WBP1L: variants seen among roughly 807,000 people sequenced by gnomAD.
WBP1L encodes WW domain binding protein 1 like, also known as WW domain binding protein 1-like.
In WBP1L, 17 loss-of-function variants were observed where a neutral mutation model predicts 33.7. The observed-to-expected ratio is 0.50, with a 90% confidence interval of 0.34 to 0.76. The LOEUF (loss-of-function observed/expected upper bound fraction) is 0.76, where lower values mean the gene tolerates loss of function less well. Among genes scored for constraint, WBP1L ranks in the 30% least tolerant of loss-of-function variants. WBP1L has a pLI of 0.01. For missense variants in WBP1L, 389 were observed against 469.4 expected, an observed-to-expected ratio of 0.83 and a Z score of 1.58; for synonymous variants, 173 against 190.8, an observed-to-expected ratio of 0.91 and a Z score of 0.77.
At chr10:102,753,997 T>G (rs546081967) in intron 1 of WBP1L, among the ~76,000 whole-genome samples, 1 of 152,362 alleles carries the variant, frequency 6.6e-6, no homozygotes, top group East Asian at 1.9e-4. Flanking sequence ...GGTTTGCCAT[T>G]TCCTAATTTA....
chr10:102,746,009 G>A (rs535532755), intron 1 of WBP1L: 6 of 300,656 alleles, frequency 2.0e-5, no homozygotes, highest in African/African-American at 4.5e-5. Flanking sequence ...TAAGTATCTC[G>A]AAAAGGCTGT....
At chr10:102,782,440 T>C (rs1284839094) in intron 1 of WBP1L, among the ~76,000 whole-genome samples, 1 of 100,608 alleles carries the variant, frequency 9.9e-6, no homozygotes, top group Non-Finnish European at 1.9e-5. Flanking sequence ...CATGAAGAGG[T>C]AAATTTTAGT....
intron 1 of WBP1L, among the ~76,000 whole-genome samples, chr10:102,786,285 G>T (rs1344143652): frequency 6.6e-6 from 1 of 152,170 alleles, no homozygotes; most frequent in Non-Finnish European, 1.5e-5. Flanking sequence ...TTCTATGTAG[G>T]TACTCTTGTG....
chr10:102,783,155 C>T (rs1466209696), intron 1 of WBP1L, among the ~76,000 whole-genome samples: 1 of 152,100 alleles, frequency 6.6e-6, no homozygotes, highest in African/African-American at 2.4e-5. Context: ...ACCGCCAGCA[C>T]AAATAGAACA....
intron 1 of WBP1L, among the ~76,000 whole-genome samples, chr10:102,756,082 A>G (rs1590166991): frequency 6.6e-6 from 1 of 151,030 alleles, no homozygotes; most frequent in Non-Finnish European, 1.5e-5. Flanking sequence ...GAACCATAAC[A>G]TTGTTTGGTA....
At chr10:102,810,640 C>T (rs565617352) in intron 3 of WBP1L, among the ~76,000 whole-genome samples, 4 of 136,608 alleles carry the variant, frequency 2.9e-5, no homozygotes, top group African/African-American at 8.1e-5. Context: ...AATCTTGGCT[C>T]ACTGCAACCT....
At chr10:102,795,758 C>T (rs1031770277) in intron 1 of WBP1L, among the ~76,000 whole-genome samples, 9 of 152,122 alleles carry the variant, frequency 5.9e-5, no homozygotes, top group Non-Finnish European at 8.8e-5. Context: ...AAGCCAGTGC[C>T]GGAAGAATGG....
chr10:102,810,845 G>C lies in WBP1L; in HGVS notation c.355+791G>C, dbSNP rs534583144. On this transcript the variant is annotated intron_variant, in intron 3 of 3. Coordinates refer to ENST00000448841, the MANE Select transcript of WBP1L (RefSeq NM_001083913.2). Reference sequence around the variant, plus strand: ...GCCTCCCAAAGTGCTGGGATTACAGGCGTGAGCCACCGTGCCCCTGCCCTC... The same window carrying C: ...GCCTCCCAAAGTGCTGGGATTACAGCCGTGAGCCACCGTGCCCCTGCCCTC... Among the ~76,000 whole-genome samples, 829 of 150,916 alleles carry C rather than the reference G, an allele frequency of 5.5e-3. 4 individuals carry two copies. Among genetic ancestry groups the C allele is most frequent in the African/African-American group, 0.019 (780 of 41,102 alleles).
chr10:102,749,358 A>T (rs554501479), intron 1 of WBP1L, among the ~76,000 whole-genome samples: 13 of 151,394 alleles, frequency 8.6e-5, no homozygotes, highest in Non-Finnish European at 1.5e-4. Flanking sequence ...GCAGCTTTGA[A>T]CTCCTGGGCT....
intron 1 of WBP1L, among the ~76,000 whole-genome samples, chr10:102,786,575 C>G (rs1035559653): frequency 3.9e-5 from 6 of 152,176 alleles, no homozygotes; most frequent in Non-Finnish European, 7.3e-5. Context: ...TATTTTGTTG[C>G]ATTTGTTGTC....
chr10:102,757,297 C>T (rs1202962286), intron 1 of WBP1L, among the ~76,000 whole-genome samples: 1 of 152,208 alleles, frequency 6.6e-6, no homozygotes, highest in African/African-American at 2.4e-5. Context: ...GCTGGGATTA[C>T]AGGCACAAGT....
At chr10:102,746,826 C>T (rs1842868824) in intron 1 of WBP1L, among the ~76,000 whole-genome samples, 1 of 150,706 alleles carries the variant, frequency 6.6e-6, no homozygotes, top group Non-Finnish European at 1.5e-5. Flanking sequence ...GATCTACTTA[C>T]AATACAATCT....
chr10:102,814,493 T>A lies in WBP1L; in HGVS notation c.*1162T>A, dbSNP rs187127311. On this transcript the variant is annotated 3_prime_UTR_variant, in exon 4 of 4. Transcript: ENST00000448841. ...TTCTGAATAAATATTTTTTGTGGGG[T>A]TTTTTTTTTTTTTTTGGTGGCAGTT... 1.4e-4 allele frequency: 1 copy of A among 7,310 alleles called. No homozygotes were observed. The highest frequency in any genetic ancestry group is 2.9e-4 in the African/African-American group (1 of 3,492). 0.5% of individuals were successfully genotyped at this position (7,310 alleles called of 1,614,324 possible).
chr10:102,778,599 C>T (rs890188436), intron 1 of WBP1L, among the ~76,000 whole-genome samples: 3 of 152,152 alleles, frequency 2.0e-5, no homozygotes, highest in Non-Finnish European at 2.9e-5. Context: ...AGAAGACCTC[C>T]GAAGGCCCTT....
At chr10:102,754,043 C>T (rs1842948196) in intron 1 of WBP1L, among the ~76,000 whole-genome samples, 1 of 152,156 alleles carries the variant, frequency 6.6e-6, no homozygotes, top group South Asian at 2.1e-4. Flanking sequence ...ACAGTTTCAT[C>T]AAACACAGAA....
At chr10:102,761,432 A>G (rs1018916074) in intron 1 of WBP1L, among the ~76,000 whole-genome samples, 11 of 149,474 alleles carry the variant, frequency 7.4e-5, no homozygotes, top group African/African-American at 2.7e-4. Flanking sequence ...GAGCCACTAC[A>G]CTCAGCCTTA....
chr10:102,766,934 G>C (rs1468595496), intron 1 of WBP1L, among the ~76,000 whole-genome samples: 1 of 152,200 alleles, frequency 6.6e-6, no homozygotes, highest in Non-Finnish European at 1.5e-5. Flanking sequence ...TTGGTTTGGA[G>C]AGCAATTGTG....
intron 1 of WBP1L, among the ~76,000 whole-genome samples, chr10:102,752,371 C>T (rs1238882453): frequency 2.0e-5 from 3 of 152,210 alleles, no homozygotes; most frequent in Middle Eastern, 3.4e-3. Context: ...CCTTGGACAG[C>T]GAGTTTTCGG....
chr10:102,771,680 C>T (rs1343010530), intron 1 of WBP1L, among the ~76,000 whole-genome samples: 3 of 151,696 alleles, frequency 2.0e-5, no homozygotes, highest in Non-Finnish European at 4.4e-5. Flanking sequence ...TGGTGGCGCA[C>T]ACTTGTAGTC....
Sources: gnomAD v4.1 joint callset for allele counts (sites outside exome capture counted in the v4.1 genomes callset) on GRCh38, gnomAD v4.1.1 for gene constraint, MANE v1.5 for transcripts, NCBI Gene and HGNC (gene_info 2026-07-23, HGNC 2026-07-21) for gene names.